The following MYO1B variants were observed in gnomAD, a reference collection of about 807,000 sequenced individuals.
MYO1B encodes myosin IB.
Under a neutral mutation model 159.7 loss-of-function variants are expected in MYO1B, and 72 were observed. That is an observed-to-expected ratio of 0.45 (90% CI 0.37 to 0.55). MYO1B has a LOEUF of 0.55. Ranked by LOEUF, MYO1B falls within the 20% of genes least tolerant of loss-of-function variation. The pLI is 0.00. For missense variants in MYO1B, 1,062 were observed against 1,364.8 expected, an observed-to-expected ratio of 0.78 and a Z score of 3.50; for synonymous variants, 468 against 473.8, an observed-to-expected ratio of 0.99 and a Z score of 0.16.
In MYO1B at chr2:191,316,087, T is replaced by C. The variant is rs113013245; in HGVS notation, c.252-13848T>C. Among the ~76,000 whole-genome samples the C allele has an allele frequency of 5.2e-3, 793 of 152,300 alleles. 4 individuals are homozygous for C. The highest frequency in any genetic ancestry group is 0.018 in the African/African-American group (748 of 41,558). ...AGGTGCCTTGTAGTTCTGTGAAAGT[T>C]TTTTGTGTTCATTTATTTGTTTTCT... On this transcript the variant is annotated intron_variant, in intron 3 of 30. Coordinates refer to ENST00000392318, the MANE Select transcript of MYO1B (RefSeq NM_001130158.3).
intron 2 of MYO1B, among the ~76,000 whole-genome samples, chr2:191,295,596 G>A (rs1335255210): frequency 6.6e-6 from 1 of 152,140 alleles, no homozygotes; most frequent in Non-Finnish European, 1.5e-5. Flanking sequence ...AATTGAACGT[G>A]ATCTGAGCCC....
chr2:191,397,705 G>T (rs1291409018), intron 21 of MYO1B, among the ~76,000 whole-genome samples: 2 of 145,398 alleles, frequency 1.4e-5, no homozygotes, highest in Non-Finnish European at 3.0e-5. Context: ...ATGAGCCGCT[G>T]GGCACACCTC....
intron 17 of MYO1B, chr2:191,387,699 A>AC (rs755300510): frequency 1.4e-5 from 7 of 512,286 alleles, no homozygotes; most frequent in Non-Finnish European, 2.4e-5. Context: ...AGTGGTTGAG[A>AC]CCTAGGGGTT....
At chr2:191,375,689 G>A (rs1287021958) in intron 13 of MYO1B, among the ~76,000 whole-genome samples, 3 of 152,006 alleles carry the variant, frequency 2.0e-5, no homozygotes, top group African/African-American at 4.8e-5. Context: ...AACTTGGCAC[G>A]GTGGCTCACT....
chr2:191,284,774 A>G (rs982422103), intron 2 of MYO1B, among the ~76,000 whole-genome samples: 1 of 152,114 alleles, frequency 6.6e-6, no homozygotes, highest in Non-Finnish European at 1.5e-5. Flanking sequence ...CTTGGATTAC[A>G]GGCACATGCT....
At position 191,393,096 on chromosome 2, in the gene MYO1B, G is replaced by A; in HGVS notation, c.2100G>A (p.Arg700=). ...PRTLFKLEDL[R]KQRLEDLATL... ...AGTTATTCAAATTAGAAGACCTGAG[G>A]AAGCAACGCCTGGAGGACTTGGCCA... Residue 700 remains arginine (R), a synonymous_variant, in exon 20 of 31, where the codon AGG becomes AGA. Transcript: ENST00000392318. 2 of 1,613,692 alleles carry A rather than the reference G, an allele frequency of 1.2e-6. No individual in the cohort carries two copies. The highest frequency in any genetic ancestry group is 1.7e-6 in the Non-Finnish European group (2 of 1,179,792).
intron 12 of MYO1B, 145 bp from the exon 13 acceptor site, chr2:191,370,082 C>CATA (rs1157115049): frequency 3.3e-6 from 2 of 602,638 alleles, no homozygotes; most frequent in Non-Finnish European, 5.8e-6. Context: ...TGCCTCATCT[C>CATA]ATACATTTTT....
intron 30 of MYO1B, among the ~76,000 whole-genome samples, chr2:191,417,175 T>G (rs976415890): frequency 6.6e-6 from 1 of 152,224 alleles, no homozygotes; most frequent in Non-Finnish European, 1.5e-5. Flanking sequence ...TTACACCCAT[T>G]TCTGCCCCTT....
intron 2 of MYO1B, among the ~76,000 whole-genome samples, chr2:191,287,883 C>G (rs1323032528): frequency 7.2e-6 from 1 of 138,036 alleles, no homozygotes; most frequent in African/African-American, 2.7e-5. Flanking sequence ...TTTTTTTTTT[C>G]CTGGCTTTAG....
At chr2:191,355,825 T>C (rs1318297557) in intron 7 of MYO1B, among the ~76,000 whole-genome samples, 5 of 152,172 alleles carry the variant, frequency 3.3e-5, no homozygotes, top group Admixed American at 6.5e-5. Flanking sequence ...CACATGGAAA[T>C]GTAAAGCAAA....
intron 2 of MYO1B, among the ~76,000 whole-genome samples, chr2:191,278,108 A>G (rs910181132): frequency 6.6e-5 from 10 of 152,224 alleles, no homozygotes; most frequent in African/African-American, 2.2e-4. Flanking sequence ...TGGAGCTGCG[A>G]TACCAAAATA....
intron 4 of MYO1B, among the ~76,000 whole-genome samples, chr2:191,330,266 T>C (rs953224534): frequency 6.6e-6 from 1 of 152,172 alleles, no homozygotes; most frequent in Non-Finnish European, 1.5e-5. Context: ...TAGACCTTTT[T>C]AGCGTAGTCT....
intron 4 of MYO1B, among the ~76,000 whole-genome samples, chr2:191,336,981 T>C (rs565837818): frequency 6.6e-6 from 1 of 152,348 alleles, no homozygotes; most frequent in East Asian, 1.9e-4. Context: ...ATACATGATA[T>C]TGCCTATATC....
chr2:191,267,848 G>C (rs1687231001), intron 1 of MYO1B, among the ~76,000 whole-genome samples: 1 of 152,202 alleles, frequency 6.6e-6, no homozygotes, highest in Non-Finnish European at 1.5e-5. Flanking sequence ...GGACATTCCT[G>C]GTGTGTCATC....
At chr2:191,278,955 A>C (rs1687899638) in intron 2 of MYO1B, among the ~76,000 whole-genome samples, 1 of 152,274 alleles carries the variant, frequency 6.6e-6, no homozygotes, top group South Asian at 2.1e-4. Context: ...ATTGAAAATA[A>C]GATGGAGAGT....
At chr2:191,395,704 A>G (rs116444669) in intron 20 of MYO1B, among the ~76,000 whole-genome samples, 1 of 152,322 alleles carries the variant, frequency 6.6e-6, no homozygotes, top group Non-Finnish European at 1.5e-5. Flanking sequence ...GAGCCTCACT[A>G]GGTCTTCTTT....
chr2:191,414,325 GTGGAATTT>G, intron 28 of MYO1B, 145 bp downstream of exon 28: 1 of 1,154,784 alleles, frequency 8.7e-7, no homozygotes, highest in Admixed American at 2.9e-5. Context: ...TTAAGCTTAG[GTGGAATTT>G]TGCTTGTTCT....
In MYO1B at chr2:191,253,128, T is replaced by C. The variant is rs925204184; in HGVS notation, c.-10+7502T>C. On this transcript the variant is annotated intron_variant, in intron 1 of 30. Coordinates refer to ENST00000392318, the MANE Select transcript of MYO1B (RefSeq NM_001130158.3). ...TGGTAAATGTTCCTGTAAAAAGGGT[T>C]CCTTGGCCAGGTACATGTTAGAATA... Among the ~76,000 whole-genome samples the C allele has an allele frequency of 1.3e-5, 2 of 152,202 alleles. 1 individual carries two copies. Among genetic ancestry groups the C allele is most frequent in the East Asian group, 3.8e-4 (2 of 5,208 alleles).
Position 191,260,269 on chromosome 2 carries a change from A to ATTTTTTTTTTTTTTTTTTTTTTT in MYO1B, c.-10+14643_-10+14644insTTTTTTTTTTTTTTTTTTTTTTT, listed in dbSNP as rs1574281122. Among the ~76,000 whole-genome samples, 3 of 19,398 alleles carry ATTTTTTTTTTTTTTTTTTTTTTT rather than the reference A, an allele frequency of 1.5e-4. No individual in the cohort carries two copies. In the Non-Finnish European group the frequency reaches 2.0e-3, roughly 13 times the overall value. 12.7% of individuals were successfully genotyped at this position (19,398 alleles called of 152,430 possible). A position where few individuals can be genotyped will look rare whatever the true frequency, so the allele number is the denominator to read the frequency against. On this transcript the variant is annotated intron_variant, in intron 1 of 30. Transcript: ENST00000392318. Reference sequence around the variant, plus strand: ...CCCAGATAGGCTTTTTTTTTTTTTGAATTAAAGCTATATAGAAGTTAAGGT... The same window carrying ATTTTTTTTTTTTTTTTTTTTTTT: ...CCCAGATAGGCTTTTTTTTTTTTTGATTTTTTTTTTTTTTTTTTTTTTTATTAAAGCTATATAGAAGTTAAGGT...
Sources: gnomAD v4.1 joint callset for allele counts (sites outside exome capture counted in the v4.1 genomes callset) on GRCh38, gnomAD v4.1.1 for gene constraint, MANE v1.5 for transcripts, NCBI Gene and HGNC (gene_info 2026-07-23, HGNC 2026-07-21) for gene names.